RASAL2: variants seen among roughly 807,000 people sequenced by gnomAD.
RASAL2 encodes the protein ras GTPase-activating protein nGAP.
Under a neutral mutation model 128.9 loss-of-function variants are expected in RASAL2, and 58 were observed. That is an observed-to-expected ratio of 0.45 (90% confidence interval 0.36 to 0.56). The LOEUF (loss-of-function observed/expected upper bound fraction) is 0.56. RASAL2 is among the 20% of genes least tolerant of loss of function. The probability of loss-of-function intolerance (pLI) is 0.00; values close to 1 mark genes in which losing one functional copy is unlikely to be tolerated. For missense variants in RASAL2, 1,360 were observed against 1,601.6 expected, an observed-to-expected ratio of 0.85 and a Z score of 2.57; for synonymous variants, 561 against 580.8, an observed-to-expected ratio of 0.97 and a Z score of 0.49.
chr1:178,434,975 G>A lies in RASAL2; in HGVS notation c.675-4447G>A, dbSNP rs1049343849. On this transcript the variant is annotated intron_variant, in intron 5 of 17. Transcript: ENST00000367649. ...ATATAAACTTGCTGGTAGAGTATTA[G>A]GGTACCCAATTTTGTTAATTACTAC... Among the ~76,000 whole-genome samples the A allele has an allele frequency of 2.0e-5, 3 of 152,034 alleles. No homozygotes were observed. The South Asian group carries it at 6.2e-4, about 32-fold the overall frequency.
intron 1 of RASAL2, among the ~76,000 whole-genome samples, chr1:178,207,046 G>A (rs149970986): frequency 1.3e-5 from 2 of 151,928 alleles, no homozygotes; most frequent in African/African-American, 4.8e-5. Flanking sequence ...GCTGGGCATG[G>A]TGTTGCAAAC....
At chr1:178,112,021 T>A (rs1659342082) in intron 1 of RASAL2, among the ~76,000 whole-genome samples, 1 of 152,162 alleles carries the variant, frequency 6.6e-6, no homozygotes, top group Non-Finnish European at 1.5e-5. Context: ...GAGCTACCGC[T>A]CCTGGCCTCT....
intron 17 of RASAL2, among the ~76,000 whole-genome samples, chr1:178,472,081 A>G (rs892515208): frequency 1.2e-4 from 19 of 152,232 alleles, no homozygotes; most frequent in African/African-American, 4.6e-4. Flanking sequence ...TTCATGTTAG[A>G]AAGGTTCTAG....
At chr1:178,344,578 A>C (rs1242656147) in intron 3 of RASAL2, among the ~76,000 whole-genome samples, 1 of 152,122 alleles carries the variant, frequency 6.6e-6, no homozygotes, top group Admixed American at 6.5e-5. Context: ...AAAGAGGAAA[A>C]GTGTTTGTTA....
At chr1:178,452,105 G>A (rs2102886112) in intron 10 of RASAL2, among the ~76,000 whole-genome samples, 1 of 152,238 alleles carries the variant, frequency 6.6e-6, no homozygotes, top group South Asian at 2.1e-4. Flanking sequence ...ACAGTCTTTA[G>A]AGAGATTATG....
chr1:178,464,737 T>G (rs1020036533), intron 15 of RASAL2, among the ~76,000 whole-genome samples: 1 of 151,946 alleles, frequency 6.6e-6, no homozygotes, highest in Admixed American at 6.6e-5. Flanking sequence ...GTTTCTGTGT[T>G]TCCATAAACT....
intron 3 of RASAL2, among the ~76,000 whole-genome samples, chr1:178,370,046 C>T (rs1350172582): frequency 1.3e-5 from 2 of 152,150 alleles, no homozygotes; most frequent in African/African-American, 2.4e-5. Context: ...AGAGTGATAC[C>T]ACACAAGAGG....
intron 1 of RASAL2, among the ~76,000 whole-genome samples, chr1:178,251,765 T>G (rs1665064617): frequency 6.6e-6 from 1 of 152,238 alleles, no homozygotes; most frequent in Non-Finnish European, 1.5e-5. Context: ...CTTCAGATGC[T>G]TATCAGTCTA....
chr1:178,353,824 A>G (rs1241647013), intron 3 of RASAL2, among the ~76,000 whole-genome samples: 2 of 152,074 alleles, frequency 1.3e-5, no homozygotes, highest in Non-Finnish European at 2.9e-5. Context: ...AGAATTATAC[A>G]AGGGTGTGGT....
rs777501805 is a variant in RASAL2, at chr1:178,458,466, G to T, written c.3174G>T (p.Arg1058=). 9.9e-6 allele frequency: 16 copies of T among 1,614,152 alleles called. No individual in the cohort carries two copies. The Admixed American group carries it at 2.5e-4, about 25-fold the overall frequency. Reference sequence around the variant, plus strand: ...CCGAACCTGTGCAGAATGGGAGCCGGTCCCGGCAGCAGTCCTCTTCCTCCA... The same window carrying T: ...CCGAACCTGTGCAGAATGGGAGCCGTTCCCGGCAGCAGTCCTCTTCCTCCA... ...LVAEPVQNGS[R]SRQQSSSSRE... is the part of the protein sequence containing the mutation. Residue 1058 remains arginine, a synonymous_variant, in exon 14 of 18, where the codon CGG becomes CGT. Coordinates refer to ENST00000367649, the MANE Select transcript of RASAL2 (RefSeq NM_170692.4).
In RASAL2 at chr1:178,361,219, A is replaced by G. The variant is rs755411246; in HGVS notation, c.458-28881A>G. Among the ~76,000 whole-genome samples, 6 of 152,224 alleles carry G rather than the reference A, an allele frequency of 3.9e-5. No homozygotes were observed. In the South Asian group the frequency reaches 1.2e-3, roughly 32 times the overall value. ...GTTGATGCAACTGTTTTGTCCAACTACAGCCGAATTTACAACAGATTCAAA... is the reference window on the plus strand; with the variant it reads ...GTTGATGCAACTGTTTTGTCCAACTGCAGCCGAATTTACAACAGATTCAAA... On this transcript the variant is annotated intron_variant, in intron 3 of 17. Transcript: ENST00000367649.
intron 3 of RASAL2, chr1:178,372,306 C>T (rs749395331): frequency 2.9e-5 from 29 of 985,206 alleles, no homozygotes; most frequent in South Asian, 4.7e-5. Flanking sequence ...AAGAGAAGAG[C>T]CTTCTGTCAT....
At chr1:178,410,968 C>T (rs910106819) in intron 4 of RASAL2, among the ~76,000 whole-genome samples, 2 of 152,108 alleles carry the variant, frequency 1.3e-5, no homozygotes, top group Non-Finnish European at 2.9e-5. Context: ...ATAGAGATTC[C>T]TTAAAGAACT....
intron 3 of RASAL2, among the ~76,000 whole-genome samples, chr1:178,384,841 A>G (rs567844154): frequency 1.3e-5 from 2 of 152,220 alleles, no homozygotes; most frequent in South Asian, 2.1e-4. Context: ...TTTTTACGCT[A>G]TGGTAACTAA....
rs892605177 is a variant in RASAL2 at position 178,304,320 on chromosome 1, A to T, written c.457+4202A>T. On this transcript the variant is annotated intron_variant, in intron 3 of 17. Transcript: ENST00000367649. Reference sequence around the variant, plus strand: ...TGGAGGGTCACTTATGTCTAGGAGTATGAGACCAGCCTAGACAACATAGTG... The same window carrying T: ...TGGAGGGTCACTTATGTCTAGGAGTTTGAGACCAGCCTAGACAACATAGTG... Among the ~76,000 whole-genome samples the T allele has an allele frequency of 4.6e-5, 7 of 152,214 alleles. No homozygotes were observed. The South Asian group carries it at 1.0e-3, about 23-fold the overall frequency.
intron 3 of RASAL2, among the ~76,000 whole-genome samples, chr1:178,361,854 A>G (rs1036546914): frequency 2.0e-5 from 3 of 152,122 alleles, no homozygotes; most frequent in African/African-American, 7.2e-5. Context: ...TTTCCCTGCA[A>G]CTAGATGGTC....
At chr1:178,334,971 ATG>A (rs913634109) in intron 3 of RASAL2, among the ~76,000 whole-genome samples, 17 of 152,136 alleles carry the variant, frequency 1.1e-4, no homozygotes, top group Admixed American at 7.9e-4. Flanking sequence ...TAAAAAAAAA[ATG>A]TATTTTAAAA....
intron 1 of RASAL2, among the ~76,000 whole-genome samples, chr1:178,118,470 G>A (rs1294017569): frequency 1.3e-5 from 2 of 152,160 alleles, no homozygotes; most frequent in African/African-American, 4.8e-5. Flanking sequence ...GACACACAAA[G>A]TGTGTTGCGA....
chr1:178,294,733 A>C (rs911925580), intron 2 of RASAL2, among the ~76,000 whole-genome samples: 3 of 152,174 alleles, frequency 2.0e-5, no homozygotes, highest in Admixed American at 1.3e-4. Flanking sequence ...GCTGCATACT[A>C]TTTTCCAACT....
Sources: gnomAD v4.1 joint callset for allele counts (sites outside exome capture counted in the v4.1 genomes callset) on GRCh38, gnomAD v4.1.1 for gene constraint, MANE v1.5 for transcripts, NCBI Gene and HGNC (gene_info 2026-07-23, HGNC 2026-07-21) for gene names.